Variants in BRD10 observed in about 807,000 individuals in gnomAD.
BRD10 encodes the protein bromodomain containing 10.
At chr9:5,945,759 C>T in the BRD10 span, among the ~76,000 whole-genome samples, 6 of 151,952 alleles carry the variant, frequency 3.9e-5, no homozygotes, top group Non-Finnish European at 7.4e-5. Flanking sequence ...ATTCAATATA[C>T]TTTTTTCCTA....
chr9:6,006,774 T>G, the BRD10 span, among the ~76,000 whole-genome samples: 5 of 152,210 alleles, frequency 3.3e-5, no homozygotes, highest in Admixed American at 2.6e-4. Context: ...TAAGACACCT[T>G]TTTACATAAG....
the BRD10 span, among the ~76,000 whole-genome samples, chr9:5,889,857 C>A: frequency 1.3e-5 from 2 of 152,140 alleles, no homozygotes; most frequent in African/African-American, 4.8e-5. Flanking sequence ...ATTACTTTTG[C>A]ACCAACCTAA....
the BRD10 span, among the ~76,000 whole-genome samples, chr9:5,989,683 C>T: frequency 1.3e-5 from 2 of 151,888 alleles, no homozygotes; most frequent in Admixed American, 6.6e-5. Context: ...GCATGTGCCA[C>T]CACGCCTGGC....
the BRD10 span, among the ~76,000 whole-genome samples, chr9:5,878,939 G>C: frequency 1.7e-3 from 258 of 152,316 alleles, no homozygotes; most frequent in Non-Finnish European, 3.0e-3. Flanking sequence ...GCTTCAACTT[G>C]GAAGGAGATT....
the BRD10 span, among the ~76,000 whole-genome samples, chr9:5,985,273 A>C: frequency 6.6e-6 from 1 of 152,216 alleles, no homozygotes; most frequent in Admixed American, 6.5e-5. Context: ...GAATAAACAT[A>C]ACCAGAAAAA....
At chr9:5,951,227 G>A in the BRD10 span, among the ~76,000 whole-genome samples, 2 of 151,932 alleles carry the variant, frequency 1.3e-5, no homozygotes, top group African/African-American at 4.8e-5. Flanking sequence ...GAAGCAAATA[G>A]GGGGGCAAGT....
At chr9:5,922,216 A>G in the BRD10 span, 6 of 1,614,028 alleles carry the variant, frequency 3.7e-6, no homozygotes, top group South Asian at 1.1e-5. Flanking sequence ...CAGAAGAATC[A>G]GCAGTCTGTT....
chr9:5,966,516 G>A, the BRD10 span, among the ~76,000 whole-genome samples: 6 of 131,598 alleles, frequency 4.6e-5, no homozygotes, highest in South Asian at 1.2e-3. Context: ...CTGGGGTGCA[G>A]TGGCATGATC....
the BRD10 span, chr9:5,921,084 G>A: frequency 3.7e-6 from 6 of 1,613,718 alleles, no homozygotes; most frequent in South Asian, 5.5e-5. Flanking sequence ...TCATTAACAG[G>A]GGTAATATTC....
the BRD10 span, among the ~76,000 whole-genome samples, chr9:5,947,126 C>G: frequency 6.6e-6 from 1 of 152,108 alleles, no homozygotes; most frequent in African/African-American, 2.4e-5. Context: ...AATGAAATCA[C>G]ACAGCTTAAG....
the BRD10 span, chr9:5,953,961 T>A: frequency 1.0e-6 from 1 of 953,768 alleles, no homozygotes. Context: ...CGAGGAATGA[T>A]ATGAACACTG....
chr9:5,902,590 C>T, the BRD10 span, among the ~76,000 whole-genome samples: 4 of 151,928 alleles, frequency 2.6e-5, no homozygotes, highest in Non-Finnish European at 4.4e-5. Context: ...CTGGCTCAGC[C>T]TCCTGAGTAG....
At chr9:5,924,663 T>C in the BRD10 span, 1 of 1,501,034 alleles carries the variant, frequency 6.7e-7, no homozygotes, top group Non-Finnish European at 8.9e-7. Context: ...CTTACCTGAA[T>C]CAAAGTGATC....
chr9:5,917,124 G>T, the BRD10 span, among the ~76,000 whole-genome samples: 6 of 152,112 alleles, frequency 3.9e-5, no homozygotes, highest in Non-Finnish European at 5.9e-5. Flanking sequence ...GCCAGGTGCT[G>T]GCACAATAAT....
chr9:5,945,052 C>CA, the BRD10 span: 1 of 511,818 alleles, frequency 2.0e-6, no homozygotes, highest in Non-Finnish European at 3.4e-6. Flanking sequence ...ACACTGAATT[C>CA]ACAATTATTT....
the BRD10 span, chr9:5,969,315 C>T: frequency 6.2e-7 from 1 of 1,613,666 alleles, no homozygotes; most frequent in Non-Finnish European, 8.5e-7. Context: ...TGCCCAATAG[C>T]TGGAATTTCC....
the BRD10 span, among the ~76,000 whole-genome samples, chr9:5,987,870 C>A: frequency 2.6e-5 from 4 of 152,088 alleles, no homozygotes; most frequent in African/African-American, 9.7e-5. Context: ...GCTCCCAGAC[C>A]CTAGAAGCTA....
the BRD10 span, among the ~76,000 whole-genome samples, chr9:5,939,164 T>A: frequency 1.3e-5 from 2 of 152,270 alleles, no homozygotes; most frequent in East Asian, 3.9e-4. Context: ...TTGCCTCATA[T>A]CAGTATTCAT....
chr9:5,944,221 G>A, the BRD10 span, among the ~76,000 whole-genome samples: 1 of 152,070 alleles, frequency 6.6e-6, no homozygotes, highest in East Asian at 1.9e-4. Flanking sequence ...AACTATAAAT[G>A]CTAGTTAAAT....
Sources: allele counts gnomAD v4.1 joint callset (sites outside exome capture counted in the v4.1 genomes callset), GRCh38; gene constraint gnomAD v4.1.1; transcripts MANE v1.5; gene names NCBI Gene and HGNC (gene_info 2026-07-23, HGNC 2026-07-21).